The following POC1B variants were observed in gnomAD, a reference collection of about 807,000 sequenced individuals.
POC1B encodes the protein POC1 centriolar protein B, also known as POC1 centriolar protein homolog B.
A neutral mutation model predicts 60.6 loss-of-function variants in POC1B; 44 were observed. The ratio of observed to expected loss-of-function variants is 0.73; its 90% confidence interval spans 0.57 to 0.93. POC1B has a LOEUF of 0.93. Among genes scored for constraint, POC1B ranks in the 40% least tolerant of loss-of-function variants. POC1B has a pLI of 0.00. For missense variants in POC1B, 555 were observed against 572.3 expected (o/e 0.97, Z 0.31); for synonymous variants, 180 against 198.9 (o/e 0.90, Z 0.80).
At chr12:89,439,296 T>A (rs780115306) in intron 10 of POC1B, among the ~76,000 whole-genome samples, 5 of 151,962 alleles carry the variant, frequency 3.3e-5, no homozygotes, top group Non-Finnish European at 7.4e-5. Context: ...GGTCCCAGAC[T>A]TTTTTTTACA....
the POC1B span, among the ~76,000 whole-genome samples, chr12:89,412,026 G>A: frequency 2.0e-5 from 3 of 152,146 alleles, no homozygotes; most frequent in Admixed American, 6.5e-5. Context: ...CCCTGACTTC[G>A]TCTTTGTTCT....
At chr12:89,466,693 G>T in intron 9 of POC1B, 77 bp downstream of exon 9, 1 of 1,383,516 alleles carries the variant, frequency 7.2e-7, no homozygotes, top group Non-Finnish European at 9.9e-7. Context: ...ATATAATTCA[G>T]TAATTTCAAA....
chr12:89,455,328 C>A (rs952190832), intron 10 of POC1B, among the ~76,000 whole-genome samples: 2 of 152,068 alleles, frequency 1.3e-5, no homozygotes, highest in African/African-American at 2.4e-5. Context: ...GAGTGAGAGA[C>A]CTTGTCTCAA....
intron 2 of POC1B, chr12:89,501,853 G>C: frequency 8.4e-7 from 1 of 1,184,182 alleles, no homozygotes; most frequent in Non-Finnish European, 1.3e-6. Flanking sequence ...GCAGAAGACA[G>C]CAACTAAAGA....
At chr12:89,510,604 G>A (rs1329802508) in intron 2 of POC1B, among the ~76,000 whole-genome samples, 1 of 152,090 alleles carries the variant, frequency 6.6e-6, no homozygotes, top group Non-Finnish European at 1.5e-5. Context: ...AAAGATCATA[G>A]TTTTCACACT....
chr12:89,502,002 T>A (rs1869595302), intron 2 of POC1B: 1 of 968,762 alleles, frequency 1.0e-6, no homozygotes, highest in Non-Finnish European at 1.7e-6. Context: ...ATCTGGATTG[T>A]TCTAGATCTA....
chr12:89,422,453 A>G (rs1880580717), intron 11 of POC1B, among the ~76,000 whole-genome samples: 1 of 152,216 alleles, frequency 6.6e-6, no homozygotes, highest in South Asian at 2.1e-4. Context: ...TCAAGCTCAG[A>G]AACTGCACAC....
At chr12:89,438,755 G>A (rs1344940499) in intron 10 of POC1B, among the ~76,000 whole-genome samples, 1 of 152,196 alleles carries the variant, frequency 6.6e-6, no homozygotes, top group Admixed American at 6.5e-5. Context: ...TACTCAGGCA[G>A]TTGTATCTAT....
the POC1B span, among the ~76,000 whole-genome samples, chr12:89,413,188 C>CA: frequency 6.6e-6 from 1 of 151,704 alleles, no homozygotes; most frequent in African/African-American, 2.4e-5. Context: ...TGGGAGCCAC[C>CA]ATGCCTTGCC....
At chr12:89,445,817 G>T (rs1881757960) in intron 10 of POC1B, among the ~76,000 whole-genome samples, 1 of 152,168 alleles carries the variant, frequency 6.6e-6, no homozygotes, top group African/African-American at 2.4e-5. Flanking sequence ...AGAGTGAACA[G>T]GCAACCTAAA....
intron 4 of POC1B, among the ~76,000 whole-genome samples, chr12:89,490,507 G>A (rs1045156779): frequency 6.6e-6 from 1 of 152,084 alleles, no homozygotes; most frequent in African/African-American, 2.4e-5. Flanking sequence ...ACCACGCCTA[G>A]CTAATTTTTG....
At chr12:89,429,609 T>A (rs986156729) in intron 10 of POC1B, 1 of 152,176 alleles carries the variant, frequency 6.6e-6, no homozygotes. Flanking sequence ...CATACTATCA[T>A]ACAATGATAA....
chr12:89,464,161 AAAG>A (rs1882585750), intron 9 of POC1B, among the ~76,000 whole-genome samples: 1 of 152,218 alleles, frequency 6.6e-6, no homozygotes, highest in South Asian at 2.1e-4. Context: ...GACCTCAAAA[AAAG>A]ATTTCTTAGT....
intron 2 of POC1B, among the ~76,000 whole-genome samples, chr12:89,507,587 T>A (rs1869967655): frequency 6.6e-6 from 1 of 152,226 alleles, no homozygotes; most frequent in South Asian, 2.1e-4. Flanking sequence ...ACTAGTAATC[T>A]ACCAGTTTAA....
intron 2 of POC1B, among the ~76,000 whole-genome samples, chr12:89,504,408 A>T (rs1022386697): frequency 6.6e-6 from 1 of 152,176 alleles, no homozygotes; most frequent in African/African-American, 2.4e-5. Context: ...TGAAGGCAGC[A>T]TGCTCCTTAA....
chr12:89,483,800 C>A (rs1320208660), intron 4 of POC1B, among the ~76,000 whole-genome samples: 1 of 151,982 alleles, frequency 6.6e-6, no homozygotes, highest in African/African-American at 2.4e-5. Context: ...ACCTTCACTA[C>A]AAGAAATGGT....
intron 2 of POC1B, chr12:89,522,352 G>T: frequency 2.5e-6 from 1 of 394,154 alleles, no homozygotes; most frequent in Non-Finnish European, 4.5e-6. Flanking sequence ...AATTTAATGT[G>T]CTGGCTAAAA....
intron 10 of POC1B, among the ~76,000 whole-genome samples, chr12:89,458,674 A>C (rs1882354571): frequency 6.6e-6 from 1 of 152,218 alleles, no homozygotes; most frequent in African/African-American, 2.4e-5. Context: ...TATTCTTGAG[A>C]TCTATTAGAG....
intron 4 of POC1B, among the ~76,000 whole-genome samples, chr12:89,486,755 C>T (rs1279942475): frequency 6.6e-6 from 1 of 152,126 alleles, no homozygotes; most frequent in Non-Finnish European, 1.5e-5. Context: ...GAGGATGGAG[C>T]TAAAATGAAT....
Sources: gnomAD v4.1 joint callset for allele counts (sites outside exome capture counted in the v4.1 genomes callset) on GRCh38, gnomAD v4.1.1 for gene constraint, MANE v1.5 for transcripts, NCBI Gene and HGNC (gene_info 2026-07-23, HGNC 2026-07-21) for gene names.